CGAS: variants seen among roughly 807,000 people sequenced by gnomAD.
CGAS encodes the protein 2'3'-cGAMP synthase.
Under a neutral mutation model 34.0 loss-of-function variants are expected in CGAS, and 31 were observed. The ratio of observed to expected loss-of-function variants is 0.91; its 90% CI spans 0.69 to 1.23. The LOEUF (loss-of-function observed/expected upper bound fraction) is 1.23, where lower values mean the gene tolerates loss of function less well. Ranked by LOEUF, CGAS falls within the 50% of genes most tolerant of loss-of-function variation. CGAS has a pLI of 0.00. For synonymous variants in CGAS, 266 were observed against 260.0 expected, an observed-to-expected ratio of 1.02 and a Z score of -0.22; for missense variants, 597 against 657.6, an observed-to-expected ratio of 0.91 and a Z score of 1.01.
At position 73,424,862 on chromosome 6, in the gene CGAS, T is replaced by G. The variant is rs533531592; in HGVS notation, c.*365A>C. 1 of 152,322 alleles carries G rather than the reference T, an allele frequency of 6.6e-6. No homozygotes were observed. The highest frequency in any genetic ancestry group is 2.4e-5 in the African/African-American group (1 of 41,574). The allele number at this position is 152,322 out of a possible 1,614,324, so 9.4% of individuals were successfully genotyped here. On this transcript the variant is annotated 3_prime_UTR_variant, in exon 5 of 5. Coordinates refer to ENST00000370315, the MANE Select transcript of CGAS (RefSeq NM_138441.3). The stretch of plus-strand genomic sequence containing the variant: ...CTAATTTATTTTTCTTATTTATTTA[T>G]TTATTTTTTGAGAGGAAGTCTTGCT...
intron 2 of CGAS, among the ~76,000 whole-genome samples, chr6:73,443,255 T>TTC (rs1554238713): frequency 6.7e-6 from 1 of 149,226 alleles, no homozygotes. Context: ...TTTTTTTTTT[T>TTC]CTGAGACAGG....
chr6:73,427,041 G>A (rs1028219261), intron 4 of CGAS, among the ~76,000 whole-genome samples: 9 of 151,544 alleles, frequency 5.9e-5, no homozygotes, highest in Non-Finnish European at 8.8e-5. Context: ...GTAGAGACGG[G>A]GTTTCATAAC....
chr6:73,436,566 A>T (rs1251394481), intron 3 of CGAS, among the ~76,000 whole-genome samples: 13 of 151,916 alleles, frequency 8.6e-5, no homozygotes, highest in Admixed American at 7.9e-4. Flanking sequence ...TCTGTTACCC[A>T]GGCTAGAGTG....
At chr6:73,435,174 C>T (rs1241585993) in intron 3 of CGAS, among the ~76,000 whole-genome samples, 1 of 152,000 alleles carries the variant, frequency 6.6e-6, no homozygotes, top group African/African-American at 2.4e-5. Flanking sequence ...CAGAAAAAAC[C>T]CCAGGGGAAT....
chr6:73,425,414 C>T lies in CGAS; in HGVS notation c.1382G>A (p.Gly461Asp). 6.2e-7 allele frequency: 1 copy of T among 1,614,030 alleles called. No individual in the cohort carries two copies. Among genetic ancestry groups the T allele is most frequent in the Non-Finnish European group, 8.5e-7 (1 of 1,180,024 alleles). The change falls in exon 5 of 5, where the codon GGC becomes GAC. Residue 461 changes from glycine to aspartate, a missense_variant. Physicochemically the swap from Gly to Asp is moderately conservative, Grantham distance 94 (BLOSUM62 -1). Around this residue, in one of 3 missense-constraint regions of CGAS, gnomAD observed 271 missense variants for 324.1 expected, o/e 0.84. Coordinates refer to ENST00000370315, the MANE Select transcript of CGAS (RefSeq NM_138441.3). Reference protein sequence around the residue: ...QDSQWDRKDLGLCFDNCVTYF... With the variant: ...QDSQWDRKDLDLCFDNCVTYF... ...TGTCACGCAGTTATCAAAGCAGAGG[C>T]CCAGGTCTTTGCGGTCCCACTGACT...
intron 3 of CGAS, among the ~76,000 whole-genome samples, chr6:73,429,604 A>G (rs1770151126): frequency 6.6e-6 from 1 of 152,110 alleles, no homozygotes; most frequent in Admixed American, 6.6e-5. Context: ...AGGTGGGCGG[A>G]TCACAAGGTC....
intron 3 of CGAS, among the ~76,000 whole-genome samples, chr6:73,431,150 G>A (rs886194885): frequency 6.6e-6 from 1 of 151,446 alleles, no homozygotes; most frequent in Non-Finnish European, 1.5e-5. Flanking sequence ...ACACCCAACA[G>A]TTACCTTCTA....
At chr6:73,448,721 C>T (rs888406029) in intron 1 of CGAS, among the ~76,000 whole-genome samples, 4 of 152,144 alleles carry the variant, frequency 2.6e-5, no homozygotes, top group African/African-American at 9.7e-5. Context: ...ACTCCCGCCT[C>T]AGCCTCCCAT....
chr6:73,447,558 T>C (rs766386050), intron 1 of CGAS, among the ~76,000 whole-genome samples: 1 of 152,114 alleles, frequency 6.6e-6, no homozygotes, highest in South Asian at 2.1e-4. Context: ...GCTGGGATTA[T>C]AGGCGTGAGC....
intron 3 of CGAS, among the ~76,000 whole-genome samples, chr6:73,437,323 C>A (rs1392035237): frequency 1.3e-5 from 2 of 152,092 alleles, no homozygotes; most frequent in Non-Finnish European, 2.9e-5. Flanking sequence ...CACGTATATG[C>A]TTTATAAATT....
rs191743857 is a variant in CGAS at position 73,425,054 on chromosome 6, A to G, written c.*173T>C. The G allele has an allele frequency of 1.1e-5, 5 of 454,476 alleles. No individual in the cohort carries two copies. The highest frequency in any genetic ancestry group is 1.9e-5 in the Non-Finnish European group (5 of 259,204). 28.2% of individuals were successfully genotyped at this position (454,476 alleles called of 1,614,324 possible). Reference sequence around the variant, plus strand: ...TTTTTAGTAGAGATGGAGTTTCACCATGTTGGTCAGGCTGGTCTCAAACTC... The same window carrying G: ...TTTTTAGTAGAGATGGAGTTTCACCGTGTTGGTCAGGCTGGTCTCAAACTC... On this transcript the variant is annotated 3_prime_UTR_variant, in exon 5 of 5. Coordinates refer to ENST00000370315, the MANE Select transcript of CGAS (RefSeq NM_138441.3).
At chr6:73,444,280 G>C (rs1053547813) in intron 2 of CGAS, among the ~76,000 whole-genome samples, 2 of 151,078 alleles carry the variant, frequency 1.3e-5, no homozygotes, top group African/African-American at 4.9e-5. Context: ...GAGCCACTGC[G>C]CCTGGCCAGA....
At chr6:73,426,186 G>C (rs982654592) in intron 4 of CGAS, among the ~76,000 whole-genome samples, 1 of 150,896 alleles carries the variant, frequency 6.6e-6, no homozygotes, top group Non-Finnish European at 1.5e-5. Context: ...GGGAGGCTGA[G>C]GCAGGAGAAT....
rs1054075213 is a variant in CGAS at position 73,428,715 on chromosome 6, C to T, written c.1211G>A (p.Cys404Tyr). ...AACAAAATAAGGCTGTTACCTGCAA[C>T]ATTTCTCTTCTTTGTTTTCACAGCA... ...KTCCENKEEKCCRKDCLKLMK... is the reference protein window; with the variant it reads ...KTCCENKEEKYCRKDCLKLMK... The change falls in exon 4 of 5, where the codon TGT (cysteine) becomes TAT (tyrosine). Residue 404 changes from cysteine to tyrosine, a missense_variant. Around this residue, in one of 3 missense-constraint regions of CGAS, gnomAD observed 271 missense variants for 324.1 expected, o/e 0.84. Transcript: ENST00000370315. 3 of 1,609,212 alleles carry T rather than the reference C, an allele frequency of 1.9e-6. No homozygotes were observed. The highest frequency in any genetic ancestry group is 1.3e-5 in the African/African-American group (1 of 74,432).
intron 2 of CGAS, among the ~76,000 whole-genome samples, chr6:73,444,740 G>A (rs1770441457): frequency 6.6e-6 from 1 of 152,174 alleles, no homozygotes; most frequent in Non-Finnish European, 1.5e-5. Context: ...AGATTAGAAA[G>A]GAAAATGATG....
intron 4 of CGAS, 67 bp downstream of exon 4, chr6:73,428,627 CTCTTCAGGTCTGAGG>C: frequency 7.8e-7 from 1 of 1,283,650 alleles, no homozygotes; most frequent in East Asian, 2.4e-5. Flanking sequence ...CCCAGCTCAG[CTCTTCAGGTCTGAGG>C]TGTGGAGTCA....
chr6:73,425,699 C>T (rs1425556514), intron 4 of CGAS, 121 bp from the exon 5 acceptor site: 13 of 643,746 alleles, frequency 2.0e-5, no homozygotes, highest in Admixed American at 3.3e-5. Context: ...ATAGGCCGGG[C>T]GTGGTGACAC....
In CGAS at chr6:73,425,585, A is replaced by G; in HGVS notation, c.1218-7T>C. 6.5e-7 allele frequency: 1 copy of G among 1,539,790 alleles called. No individual in the cohort carries two copies. Among genetic ancestry groups the G allele is most frequent in the Non-Finnish European group, 8.8e-7 (1 of 1,138,006 alleles). ...TAGTTTTAAACAATCTTTCCTGTTG[A>G]ATAAAAAAGGAAAACACTTATTTTT... is the stretch of plus-strand genomic sequence containing the variant. On this transcript the variant is annotated splice_polypyrimidine_tract_variant and splice_region_variant and intron_variant, in intron 4 of 4. Transcript: ENST00000370315.
intron 3 of CGAS, among the ~76,000 whole-genome samples, chr6:73,429,614 C>A (rs1161709931): frequency 3.2e-4 from 49 of 151,976 alleles, no homozygotes; most frequent in Middle Eastern, 3.4e-3. Context: ...ATCACAAGGT[C>A]GGGAGATCAA....
Sources: allele counts gnomAD v4.1 joint callset (sites outside exome capture counted in the v4.1 genomes callset), GRCh38; gene constraint gnomAD v4.1.1; regional missense constraint gnomAD v4.1.1; transcripts MANE v1.5; gene names NCBI Gene and HGNC (gene_info 2026-07-23, HGNC 2026-07-21).